The following PLS1 variants were observed in gnomAD, a reference collection of about 807,000 sequenced individuals.
PLS1 encodes plastin 1, also known as plastin-1.
In PLS1, 32 loss-of-function variants were observed where a neutral mutation model predicts 73.7. The ratio of observed to expected loss-of-function variants is 0.43; its 90% CI spans 0.33 to 0.58. The LOEUF is 0.58. PLS1 is among the 20% of genes least tolerant of loss of function. The pLI is 0.04. For missense variants in PLS1, 633 were observed against 740.5 expected (o/e 0.85, Z 1.68); for synonymous variants, 217 against 261.3 (o/e 0.83, Z 1.63).
chr3:142,691,142 C>CT (rs1222180920), intron 10 of PLS1, among the ~76,000 whole-genome samples: 1 of 151,912 alleles, frequency 6.6e-6, no homozygotes. Flanking sequence ...TTCCAGTGTC[C>CT]TTGTCACCTC....
At chr3:142,661,646 A>G (rs895770693) in intron 1 of PLS1, among the ~76,000 whole-genome samples, 4 of 152,228 alleles carry the variant, frequency 2.6e-5, no homozygotes, top group Non-Finnish European at 5.9e-5. Flanking sequence ...TGAACCTTCT[A>G]TATAAATACA....
At chr3:142,699,024 T>A (rs2038270750) in intron 12 of PLS1, among the ~76,000 whole-genome samples, 1 of 152,108 alleles carries the variant, frequency 6.6e-6, no homozygotes, top group Non-Finnish European at 1.5e-5. Context: ...CACTGCATGT[T>A]CTCACTCATA....
chr3:142,677,654 G>A (rs1277608805), intron 5 of PLS1, among the ~76,000 whole-genome samples: 5 of 151,612 alleles, frequency 3.3e-5, no homozygotes, highest in South Asian at 2.1e-4. Flanking sequence ...AAAAAAAAAA[G>A]AAAATTCAGG....
At chr3:142,636,537 C>T (rs549749054) in intron 1 of PLS1, among the ~76,000 whole-genome samples, 82 of 152,232 alleles carry the variant, frequency 5.4e-4, no homozygotes, top group African/African-American at 1.7e-3. Context: ...AAAGATACAA[C>T]GCCAAAAGCA....
At chr3:142,682,855 T>A (rs2107885237) in intron 6 of PLS1, among the ~76,000 whole-genome samples, 1 of 152,364 alleles carries the variant, frequency 6.6e-6, no homozygotes, top group African/African-American at 2.4e-5. Context: ...AATTTGCTGT[T>A]AATTTTTTCA....
At chr3:142,675,721 G>GC (rs1397458884) in intron 4 of PLS1, among the ~76,000 whole-genome samples, 1 of 150,232 alleles carries the variant, frequency 6.7e-6, no homozygotes, top group Non-Finnish European at 1.5e-5. Context: ...TGTGGCTTAG[G>GC]CTAAAGTGCA....
At chr3:142,622,957 CT>C (rs2036344200) in intron 1 of PLS1, among the ~76,000 whole-genome samples, 1 of 151,684 alleles carries the variant, frequency 6.6e-6, no homozygotes. Context: ...GTTTTCTTTT[CT>C]TTTTTAAGAG....
intron 1 of PLS1, chr3:142,619,375 C>T (rs982435688): frequency 6.6e-6 from 1 of 152,194 alleles, no homozygotes. Context: ...GCACTTCCAG[C>T]TGCTTGGTGT....
At chr3:142,711,675 A>G in intron 15 of PLS1, 50 bp downstream of exon 15, 1 of 1,501,056 alleles carries the variant, frequency 6.7e-7, no homozygotes, top group Non-Finnish European at 9.1e-7. Flanking sequence ...AATTCTCTAA[A>G]ATCCTTATAG....
intron 10 of PLS1, among the ~76,000 whole-genome samples, chr3:142,692,642 C>T (rs1035078148): frequency 1.3e-5 from 2 of 151,940 alleles, no homozygotes; most frequent in Middle Eastern, 3.4e-3. Context: ...TATGAACCCC[C>T]GAAGATAGTT....
At chr3:142,617,145 G>GGTTT (rs372954619) in intron 1 of PLS1, among the ~76,000 whole-genome samples, 5 of 142,298 alleles carry the variant, frequency 3.5e-5, no homozygotes, top group Non-Finnish European at 3.0e-5. Flanking sequence ...TGATTAGGAA[G>GGTTT]ATTTTTTTTT....
chr3:142,675,677 G>C (rs574453523), intron 4 of PLS1, among the ~76,000 whole-genome samples: 72 of 146,874 alleles, frequency 4.9e-4, no homozygotes, highest in African/African-American at 1.8e-3. Flanking sequence ...GAGCCACCGT[G>C]CTCCCCGTTT....
chr3:142,662,621 A>G (rs1172083665), intron 1 of PLS1, among the ~76,000 whole-genome samples: 5 of 152,226 alleles, frequency 3.3e-5, no homozygotes, highest in African/African-American at 1.2e-4. Flanking sequence ...AAATGTAAGT[A>G]ATTCTACTTT....
chr3:142,611,721 A>T (rs1019644483), intron 1 of PLS1, among the ~76,000 whole-genome samples: 5 of 152,200 alleles, frequency 3.3e-5, no homozygotes, highest in African/African-American at 4.8e-5. Context: ...GCACACACAT[A>T]TTGCTTTTGA....
intron 1 of PLS1, among the ~76,000 whole-genome samples, chr3:142,622,368 CTT>C (rs1197099788): frequency 6.6e-6 from 1 of 152,168 alleles, no homozygotes; most frequent in African/African-American, 2.4e-5. Flanking sequence ...ACGTAGAACA[CTT>C]TTTTCCTCCA....
intron 1 of PLS1, among the ~76,000 whole-genome samples, chr3:142,626,148 C>A (rs1315743998): frequency 6.6e-6 from 1 of 152,176 alleles, no homozygotes; most frequent in East Asian, 1.9e-4. Flanking sequence ...CTAGGAACTG[C>A]TACTTCCTCC....
At chr3:142,649,941 A>C (rs951307200) in intron 1 of PLS1, among the ~76,000 whole-genome samples, 1 of 152,170 alleles carries the variant, frequency 6.6e-6, no homozygotes, top group African/African-American at 2.4e-5. Flanking sequence ...CAGAATGCCC[A>C]AATATTCTCC....
intron 9 of PLS1, among the ~76,000 whole-genome samples, chr3:142,687,435 A>G (rs2037994591): frequency 6.6e-6 from 1 of 152,184 alleles, no homozygotes; most frequent in South Asian, 2.1e-4. Context: ...TTTGGTTTTA[A>G]AGGCAACTTG....
At position 142,712,128 on chromosome 3, in the gene PLS1, A is replaced by G. The variant is rs1933158537; in HGVS notation, c.*121A>G. Reference sequence around the variant, plus strand: ...GTATGCTCAAAATAGTTATATATTCATTAATGAATTCAATATCCTGTTCAT... The same window carrying G: ...GTATGCTCAAAATAGTTATATATTCGTTAATGAATTCAATATCCTGTTCAT... On this transcript the variant is annotated 3_prime_UTR_variant, in exon 16 of 16. Coordinates refer to ENST00000457734, the MANE Select transcript of PLS1 (RefSeq NM_001145319.2). The G allele has an allele frequency of 3.4e-6, 3 of 890,674 alleles. No homozygotes were observed. Among genetic ancestry groups the G allele is most frequent in the Non-Finnish European group, 3.5e-6 (2 of 573,250 alleles). 55.2% of individuals were successfully genotyped at this position (890,674 alleles called of 1,614,324 possible). A position where few individuals can be genotyped will look rare whatever the true frequency, so the allele number is the denominator to read the frequency against.
Sources: allele counts gnomAD v4.1 joint callset (sites outside exome capture counted in the v4.1 genomes callset), GRCh38; gene constraint gnomAD v4.1.1; transcripts MANE v1.5; gene names NCBI Gene and HGNC (gene_info 2026-07-23, HGNC 2026-07-21).